Variants in ABCE1 observed in about 807,000 individuals in gnomAD.
The protein encoded by ABCE1 is ATP binding cassette subfamily E member 1, also known as ATP-binding cassette sub-family E member 1.
A neutral mutation model predicts 83.4 loss-of-function variants in ABCE1; 22 were observed. That is an observed-to-expected ratio of 0.26 (90% CI 0.19 to 0.38). ABCE1 has a LOEUF of 0.38. ABCE1 is among the 10% of genes least tolerant of loss of function. The pLI is 1.00. For synonymous variants in ABCE1, 204 were observed against 233.7 expected, an observed-to-expected ratio of 0.87 and a Z score of 1.16; for missense variants, 330 against 721.9, an observed-to-expected ratio of 0.46 and a Z score of 6.22.
chr4:145,107,189 T>G (rs754663821), intron 3 of ABCE1, among the ~76,000 whole-genome samples: 1 of 152,064 alleles, frequency 6.6e-6, no homozygotes, highest in South Asian at 2.1e-4. Flanking sequence ...GTGAATTGAC[T>G]CCGAGAATTC....
chr4:145,103,172 A>C (rs1749199114), intron 1 of ABCE1, among the ~76,000 whole-genome samples: 1 of 152,194 alleles, frequency 6.6e-6, no homozygotes, highest in African/African-American at 2.4e-5. Context: ...AAGATCTCTT[A>C]TCCCCATCCA....
chr4:145,109,999 A>T, intron 5 of ABCE1, 104 bp from the exon 6 acceptor site: 6 of 1,063,712 alleles, frequency 5.6e-6, no homozygotes, highest in South Asian at 2.0e-5. Flanking sequence ...GTTAAAAGCC[A>T]CAAGTGTTCT....
intron 10 of ABCE1, 48 bp downstream of exon 10, chr4:145,117,462 A>G (rs1337492788): frequency 3.8e-6 from 6 of 1,570,194 alleles, no homozygotes; most frequent in Non-Finnish European, 5.2e-6. Flanking sequence ...CTTCTACTCT[A>G]ATGCTTATAA....
At chr4:145,100,446 C>A (rs34455606) in intron 1 of ABCE1, among the ~76,000 whole-genome samples, 1 of 152,198 alleles carries the variant, frequency 6.6e-6, no homozygotes, top group African/African-American at 2.4e-5. Flanking sequence ...TAAGCAATTT[C>A]GTGGTGATTT....
At chr4:145,106,574 A>G (rs1749310358) in intron 3 of ABCE1, among the ~76,000 whole-genome samples, 1 of 152,078 alleles carries the variant, frequency 6.6e-6, no homozygotes, top group South Asian at 2.1e-4. Context: ...TTTAAATTTT[A>G]AATTTTGGAT....
At chr4:145,113,462 T>C (rs10019091) in intron 9 of ABCE1, among the ~76,000 whole-genome samples, 4,096 of 152,256 alleles carry the variant, frequency 0.027, 171 homozygotes, top group African/African-American at 0.094. Flanking sequence ...CTGGAACTTT[T>C]ATGGTACATA....
intron 17 of ABCE1, among the ~76,000 whole-genome samples, chr4:145,126,048 G>A (rs539113114): frequency 8.3e-4 from 126 of 151,644 alleles, no homozygotes; most frequent in African/African-American, 2.7e-3. Flanking sequence ...CCCTGCCCCC[G>A]CCCCCGCAAC....
intron 11 of ABCE1, among the ~76,000 whole-genome samples, 163 bp downstream of exon 11, chr4:145,120,316 G>C (rs1749710585): frequency 6.6e-6 from 1 of 151,988 alleles, no homozygotes; most frequent in African/African-American, 2.4e-5. Flanking sequence ...TTTTGGCATT[G>C]TGTAATTCAA....
intron 13 of ABCE1, 179 bp from the exon 14 acceptor site, chr4:145,122,842 C>T (rs1253198755): frequency 5.9e-6 from 3 of 508,110 alleles, no homozygotes; most frequent in African/African-American, 4.0e-5. Flanking sequence ...ACTTGTTGGA[C>T]ATGATGGGTT....
At position 145,117,324 on chromosome 4, in the gene ABCE1, G is replaced by A. The variant is rs1749632135; in HGVS notation, c.832G>A (p.Val278Ile). 6.8e-6 allele frequency: 11 copies of A among 1,609,318 alleles called. No individual in the cohort carries two copies. Among genetic ancestry groups the A allele is most frequent in the African/African-American group, 1.3e-5 (1 of 74,884 alleles). ...CATTGTGGTGGAACATGATCTAAGT[G>A]TATTAGACTATCTCTCCGACTTCAT... ...YIIVVEHDLS[V>I]LDYLSDFICC... is the part of the protein sequence containing the mutation. The change falls in exon 10 of 18, where the codon GTA becomes ATA. Residue 278 changes from valine (V) to isoleucine (I), a missense_variant. Coordinates refer to ENST00000296577, the MANE Select transcript of ABCE1 (RefSeq NM_002940.3).
chr4:145,123,965 A>T (rs1411356207), intron 16 of ABCE1: 1 of 161,930 alleles, frequency 6.2e-6, no homozygotes, highest in African/African-American at 2.4e-5. Context: ...AGGTTACATG[A>T]TTTGTCCAAC....
intron 1 of ABCE1, among the ~76,000 whole-genome samples, chr4:145,104,153 T>TATAAA (rs1415811462): frequency 3.9e-5 from 6 of 152,128 alleles, no homozygotes; most frequent in Non-Finnish European, 8.8e-5. Flanking sequence ...TGACATTTTT[T>TATAAA]TCTTTCCTTA....
At chr4:145,121,069 T>C (rs1427093752) in intron 11 of ABCE1, 105 bp from the exon 12 acceptor site, 1 of 1,041,036 alleles carries the variant, frequency 9.6e-7, no homozygotes, top group East Asian at 2.4e-5. Context: ...AATGTCAGTG[T>C]ATATCTTTAA....
chr4:145,125,147 T>A (rs772034273), intron 17 of ABCE1, 46 bp downstream of exon 17: 4 of 1,326,580 alleles, frequency 3.0e-6, no homozygotes, highest in African/African-American at 2.9e-5. Context: ...GATCTCAGTA[T>A]AAACACTTGA....
Position 145,123,560 on chromosome 4 carries a change from G to A in ABCE1, c.1600G>A (p.Val534Ile). Residue 534 changes from valine (V) to isoleucine (I), a missense_variant, in exon 16 of 18, where the codon GTT (valine) becomes ATT (isoleucine). Physicochemically the swap from Val to Ile is conservative, Grantham distance 29. Coordinates refer to ENST00000296577, the MANE Select transcript of ABCE1 (RefSeq NM_002940.3). Reference protein sequence around the residue: ...MATYLADRVIVFDGVPSKNTV... With the variant: ...MATYLADRVIIFDGVPSKNTV... Reference sequence around the variant, plus strand: ...CACCTATCTAGCGGATCGCGTCATCGTTTTTGATGGTGTTCCATCTAAGAA... The same window carrying A: ...CACCTATCTAGCGGATCGCGTCATCATTTTTGATGGTGTTCCATCTAAGAA... 1.9e-6 allele frequency: 3 copies of A among 1,605,692 alleles called. No homozygotes were observed. Among genetic ancestry groups the A allele is most frequent in the Non-Finnish European group, 2.6e-6 (3 of 1,172,986 alleles).
chr4:145,108,258 A>T, intron 4 of ABCE1, 146 bp downstream of exon 4: 7 of 735,402 alleles, frequency 9.5e-6, no homozygotes, highest in Non-Finnish European at 1.6e-5. Context: ...GCAGAATCAT[A>T]CTGCATATGT....
chr4:145,105,654 C>T lies in ABCE1; in HGVS notation c.153C>T (p.Ser51=), dbSNP rs746173760. 35 of 1,607,998 alleles carry T rather than the reference C, an allele frequency of 2.2e-5. 1 individual carries two copies. In the East Asian group the frequency reaches 6.5e-4, roughly 30 times the overall value. The change falls in exon 3 of 18, where the codon TCC becomes TCT. Residue 51 remains serine, a synonymous_variant. Coordinates refer to ENST00000296577, the MANE Select transcript of ABCE1 (RefSeq NM_002940.3). ...CCCAGAGCAAAATAGCATGGATTTCCGAAACTCTTTGTATTGGTTGTGGTA... is the reference window on the plus strand; with the variant it reads ...CCCAGAGCAAAATAGCATGGATTTCTGAAACTCTTTGTATTGGTTGTGGTA... The part of the protein sequence containing the change: ...VTPQSKIAWI[S]ETLCIGCGIC...
intron 4 of ABCE1, 70 bp downstream of exon 4, chr4:145,108,182 G>T: frequency 7.2e-7 from 1 of 1,394,596 alleles, no homozygotes; most frequent in Non-Finnish European, 1.0e-6. Flanking sequence ...TTTAAGAGAA[G>T]TGCAGAAATT....
In ABCE1 at chr4:145,127,532, G is replaced by C; in HGVS notation, c.1759G>C (p.Glu587Gln). ...INKLNSIKDVEQKKSGNYFFL... is the reference protein window; with the variant it reads ...INKLNSIKDVQQKKSGNYFFL... ...CTTCTGTTTTCTTTTTTAGGATGTA[G>C]AACAAAAGAAGAGTGGAAACTACTT... Residue 587 changes from glutamate to glutamine, a missense_variant, in exon 18 of 18, where the codon GAA (glutamate) becomes CAA (glutamine). Coordinates refer to ENST00000296577, the MANE Select transcript of ABCE1 (RefSeq NM_002940.3). 1 of 1,582,364 alleles carries C rather than the reference G, an allele frequency of 6.3e-7. No homozygotes were observed. The highest frequency in any genetic ancestry group is 1.2e-5 in the South Asian group (1 of 84,666).
Sources: allele counts gnomAD v4.1 joint callset (sites outside exome capture counted in the v4.1 genomes callset), GRCh38; gene constraint gnomAD v4.1.1; transcripts MANE v1.5; gene names NCBI Gene and HGNC (gene_info 2026-07-23, HGNC 2026-07-21).